LTF: variants seen among roughly 807,000 people sequenced by gnomAD.
The protein encoded by LTF is epididymis luminal protein 110.
A neutral mutation model predicts 87.2 loss-of-function variants in LTF; 91 were observed. The ratio of observed to expected loss-of-function variants is 1.04; its 90% CI spans 0.88 to 1.24. LTF has a LOEUF of 1.24. LTF is among the 50% of genes most tolerant of loss of function. The probability of loss-of-function intolerance (pLI) is 0.00; values close to 1 mark genes in which losing one functional copy is unlikely to be tolerated. For synonymous variants in LTF, 378 were observed against 356.1 expected, an observed-to-expected ratio of 1.06 and a Z score of -0.69; for missense variants, 901 against 904.3, an observed-to-expected ratio of 1.00 and a Z score of 0.05.
chr3:46,444,346 T>C (rs990016366), intron 12 of LTF, among the ~76,000 whole-genome samples: 1 of 152,270 alleles, frequency 6.6e-6, no homozygotes, highest in African/African-American at 2.4e-5. Context: ...AACTTCTGTC[T>C]TGTTTAAGCC....
chr3:46,455,091 T>TG lies in LTF; in HGVS notation c.647+203dup, dbSNP rs553518706. On this transcript the variant is annotated intron_variant, in intron 5 of 16. Coordinates refer to ENST00000231751, the MANE Select transcript of LTF (RefSeq NM_002343.6). ...ACTGCCCGTGGGGCTGGTGAGAAGT[T>TG]GGGGGCACAGTTGGGCCCGGAAGGC... is the stretch of plus-strand genomic sequence containing the variant. Among the ~76,000 whole-genome samples the TG allele has an allele frequency of 1.2e-3, 178 of 152,190 alleles. 2 individuals are homozygous for TG. The highest frequency in any genetic ancestry group is 9.2e-3 in the Admixed American group (140 of 15,300).
At chr3:46,459,908 C>A in intron 1 of LTF, 89 bp from the exon 2 acceptor site, 1 of 962,440 alleles carries the variant, frequency 1.0e-6, no homozygotes, top group East Asian at 3.3e-5. Context: ...CAGACTCCTC[C>A]CTCTCTCTCG....
At chr3:46,442,501 A>G (rs1702547880) in intron 13 of LTF, among the ~76,000 whole-genome samples, 1 of 151,858 alleles carries the variant, frequency 6.6e-6, no homozygotes, top group African/African-American at 2.4e-5. Context: ...CAGGTCTGAA[A>G]AAAAAAAAAA....
At chr3:46,479,293 T>A (rs932037684) in intron 1 of LTF, among the ~76,000 whole-genome samples, 1 of 152,014 alleles carries the variant, frequency 6.6e-6, no homozygotes, top group Non-Finnish European at 1.5e-5. Flanking sequence ...CTCCACAAAG[T>A]GGGTTTGGCC....
chr3:46,455,719 T>G, intron 4 of LTF, 77 bp downstream of exon 4: 53 of 1,446,006 alleles, frequency 3.7e-5, no homozygotes, highest in Non-Finnish European at 4.3e-5. Flanking sequence ...TTCACCTGCA[T>G]GATCTGTGTG....
chr3:46,448,351 A>T (rs2106857600), intron 9 of LTF, among the ~76,000 whole-genome samples: 1 of 145,442 alleles, frequency 6.9e-6, no homozygotes, highest in East Asian at 2.0e-4. Flanking sequence ...TGGGTGACAG[A>T]TCAAGAATCT....
At chr3:46,466,254 A>C (rs1703210909), upstream of LTF, among the ~76,000 whole-genome samples, 1 of 152,174 alleles carries the variant, frequency 6.6e-6, no homozygotes, top group Admixed American at 6.5e-5. Context: ...ACCAAAAAAA[A>C]AAAGGGTAAC....
chr3:46,476,879 C>T (rs1703365924), intron 1 of LTF, among the ~76,000 whole-genome samples: 1 of 152,242 alleles, frequency 6.6e-6, no homozygotes, highest in Non-Finnish European at 1.5e-5. Context: ...CTCTTACATG[C>T]TCACTTCTGT....
intron 1 of LTF, among the ~76,000 whole-genome samples, chr3:46,484,542 C>T (rs73067778): frequency 2.1e-4 from 32 of 152,292 alleles, no homozygotes; most frequent in Non-Finnish European, 4.3e-4. Context: ...ATTGCATGTC[C>T]CTGCTGGGAA....
At chr3:46,454,951 A>G (rs1343053272) in intron 5 of LTF, among the ~76,000 whole-genome samples, 1 of 152,346 alleles carries the variant, frequency 6.6e-6, no homozygotes, top group East Asian at 1.9e-4. Context: ...AGATGCCTTC[A>G]GTCCTGCTGT....
At chr3:46,439,266 A>G (rs1327267802) in intron 15 of LTF, 30 bp downstream of exon 15, 1 of 1,575,846 alleles carries the variant, frequency 6.3e-7, no homozygotes, top group Non-Finnish European at 8.6e-7. Context: ...CACACAGCTA[A>G]GAAAGCACTA....
chr3:46,445,312 C>A lies in LTF; in HGVS notation c.1482G>T (p.Leu494=). Residue 494 remains leucine, a synonymous_variant, in exon 12 of 17, where the codon CTG becomes CTT. Transcript: ENST00000231751. ...TGCAGGAGCCCGTCTGGTTGAAGAG[C>A]AGGCCCATGGGGATATTCCAGCCTG... ...RTAGWNIPMG[L]LFNQTGSCKF... The A allele has an allele frequency of 6.2e-7, 1 of 1,612,274 alleles. No individual in the cohort carries two copies. Among genetic ancestry groups the A allele is most frequent in the Non-Finnish European group, 8.5e-7 (1 of 1,179,194 alleles).
chr3:46,448,781 T>C, intron 9 of LTF, 82 bp downstream of exon 9: 1 of 1,539,480 alleles, frequency 6.5e-7, no homozygotes, highest in Non-Finnish European at 8.8e-7. Context: ...CCTCTTTGAC[T>C]GTTGACTTCA....
chr3:46,462,914 C>G (rs199831254), intron 1 of LTF, among the ~76,000 whole-genome samples: 1 of 152,012 alleles, frequency 6.6e-6, no homozygotes, highest in Non-Finnish European at 1.5e-5. Context: ...TGAGCAATGA[C>G]GGGAACCTGT....
intron 1 of LTF, among the ~76,000 whole-genome samples, chr3:46,475,524 A>G (rs1703349404): frequency 1.0e-5 from 1 of 96,508 alleles, no homozygotes; most frequent in Non-Finnish European, 1.8e-5. Context: ...AAACACACAC[A>G]CACACACACA....
Position 46,455,279 on chromosome 3 carries a change from G to T in LTF, c.647+16C>A, listed in dbSNP as rs372888192. The T allele has an allele frequency of 1.4e-5, 23 of 1,614,056 alleles. No homozygotes were observed. Among genetic ancestry groups the T allele is most frequent in the Non-Finnish European group, 1.9e-5 (22 of 1,179,952 alleles). ...GGACACTTGGCCACTGACGAGAAGGGGACAGGGTCACTCACTTGAAGGCAC... is the reference window on the plus strand; with the variant it reads ...GGACACTTGGCCACTGACGAGAAGGTGACAGGGTCACTCACTTGAAGGCAC... On this transcript the variant is annotated intron_variant, in intron 5 of 16. Coordinates refer to ENST00000231751, the MANE Select transcript of LTF (RefSeq NM_002343.6).
intron 12 of LTF, among the ~76,000 whole-genome samples, chr3:46,444,644 A>G (rs989962476): frequency 3.3e-5 from 5 of 152,224 alleles, no homozygotes; most frequent in African/African-American, 1.2e-4. Flanking sequence ...TGCCCCGGCC[A>G]GGATCAAAAA....
At chr3:46,455,149 T>C (rs1702894822) in intron 5 of LTF, 146 bp downstream of exon 5, 1 of 970,824 alleles carries the variant, frequency 1.0e-6, no homozygotes, top group Non-Finnish European at 1.6e-6. Flanking sequence ...AGGCCTGCAC[T>C]CTCTTTGGAC....
chr3:46,456,876 C>T (rs1042289968), intron 2 of LTF, among the ~76,000 whole-genome samples: 1 of 152,088 alleles, frequency 6.6e-6, no homozygotes, highest in Non-Finnish European at 1.5e-5. Context: ...TTTAGTGGTC[C>T]CCAACTTTTT....
Sources: gnomAD v4.1 joint callset for allele counts (sites outside exome capture counted in the v4.1 genomes callset) on GRCh38, gnomAD v4.1.1 for gene constraint, MANE v1.5 for transcripts, NCBI Gene and HGNC (gene_info 2026-07-23, HGNC 2026-07-21) for gene names.